Variants in PPP1R14A observed in about 807,000 individuals in gnomAD.
The protein encoded by PPP1R14A is protein phosphatase 1 regulatory subunit 14A.
Under a neutral mutation model 14.1 loss-of-function variants are expected in PPP1R14A, and 9 were observed. The ratio of observed to expected loss-of-function variants is 0.64; its 90% CI spans 0.38 to 1.11. The LOEUF (loss-of-function observed/expected upper bound fraction) is 1.11. Ranked by LOEUF, PPP1R14A falls within the 50% of genes most tolerant of loss-of-function variation. The pLI is 0.01. For missense variants in PPP1R14A, 208 were observed against 200.7 expected, an observed-to-expected ratio of 1.04 and a Z score of -0.22; for synonymous variants, 93 against 88.7, an observed-to-expected ratio of 1.05 and a Z score of -0.27.
intron 3 of PPP1R14A, 41 bp from the exon 4 acceptor site, chr19:38,251,487 G>C (rs751365674): frequency 6.6e-7 from 1 of 1,515,394 alleles, no homozygotes; most frequent in Non-Finnish European, 8.7e-7. Context: ...GGAACAGTGC[G>C]GGGGCACCCT....
At chr19:38,254,775 T>C (rs1600318770) in intron 1 of PPP1R14A, among the ~76,000 whole-genome samples, 1 of 152,204 alleles carries the variant, frequency 6.6e-6, no homozygotes, top group Admixed American at 6.6e-5. Flanking sequence ...CACCTGTTCC[T>C]ATAGCTTACA....
Position 38,256,365 on chromosome 19 carries a change from C to T in PPP1R14A, c.-26G>A. ...CGCGCTGCTGGACCCAGCCTGGCCC[C>T]GCGCTGTGCGCCTTCGCCTCGCGCC... On this transcript the variant is annotated 5_prime_UTR_variant, in exon 1 of 4. Transcript: ENST00000301242. The surrounding 1 kb of genome is among the most constrained non-coding windows in gnomAD (Gnocchi z 5.7). 7.2e-7 allele frequency: 1 copy of T among 1,396,500 alleles called. No homozygotes were observed. Among genetic ancestry groups the T allele is most frequent in the South Asian group, 1.6e-5 (1 of 62,492 alleles). 86.5% of individuals were successfully genotyped at this position (1,396,500 alleles called of 1,614,324 possible).
At chr19:38,253,526 AGGTG>A (rs1018306672) in intron 1 of PPP1R14A, among the ~76,000 whole-genome samples, 63 of 152,180 alleles carry the variant, frequency 4.1e-4, no homozygotes, top group African/African-American at 1.5e-3. Context: ...AGGCCCCTCA[AGGTG>A]GGTGGGTGGG....
chr19:38,252,477 C>G lies in PPP1R14A; in HGVS notation c.283-139G>C. 1 of 857,266 alleles carries G rather than the reference C, an allele frequency of 1.2e-6. No individual in the cohort carries two copies. The highest frequency in any genetic ancestry group is 1.9e-6 in the Non-Finnish European group (1 of 534,654). The allele number at this position is 857,266 out of a possible 1,614,324, so 53.1% of individuals were successfully genotyped here. On this transcript the variant is annotated intron_variant, in intron 2 of 3. Transcript: ENST00000301242. This position sits in a 1 kb window ranked among gnomAD's most constrained non-coding sequence, Gnocchi z 4.1. ...CCAGGGTGGACTGCCCACCAAGCTT[C>G]AAGAGAGGAACAGAGCCCAAGGGGC... is the stretch of plus-strand genomic sequence containing the variant.
rs1465028055 is a variant in PPP1R14A at position 38,254,976 on chromosome 19, A to G, written c.201+1163T>C. Among the ~76,000 whole-genome samples, 4 of 150,894 alleles carry G rather than the reference A, an allele frequency of 2.7e-5. No individual in the cohort carries two copies. In the East Asian group the frequency reaches 7.9e-4, roughly 30 times the overall value. ...TTTTGTATTTTTTAGTAGAGACGGG[A>G]TTTCTCCATGTTGATCAGGCTGGTC... On this transcript the variant is annotated intron_variant, in intron 1 of 3. Transcript: ENST00000301242.
Position 38,252,394 on chromosome 19 carries a change from C to T in PPP1R14A, c.283-56G>A. ...CAGTAAATGACTAACACCTACTCCCCTCCAGCCCCTTCCCTTTCCCAAAAG... is the reference window on the plus strand; with the variant it reads ...CAGTAAATGACTAACACCTACTCCCTTCCAGCCCCTTCCCTTTCCCAAAAG... On this transcript the variant is annotated intron_variant, in intron 2 of 3. Coordinates refer to ENST00000301242, the MANE Select transcript of PPP1R14A (RefSeq NM_033256.3). This position sits in a 1 kb window ranked among gnomAD's most constrained non-coding sequence, Gnocchi z 4.1. 1.9e-6 allele frequency: 3 copies of T among 1,558,752 alleles called. No individual in the cohort carries two copies. Among genetic ancestry groups the T allele is most frequent in the Admixed American group, 3.5e-5 (2 of 57,550 alleles).
intron 1 of PPP1R14A, among the ~76,000 whole-genome samples, chr19:38,255,483 T>C (rs1365635003): frequency 6.6e-6 from 1 of 152,236 alleles, no homozygotes; most frequent in Non-Finnish European, 1.5e-5. Flanking sequence ...GGTCAGTTTT[T>C]TCTTTAGGAG....
chr19:38,253,469 C>T (rs1968213455), intron 1 of PPP1R14A, among the ~76,000 whole-genome samples: 1 of 151,666 alleles, frequency 6.6e-6, no homozygotes, highest in African/African-American at 2.4e-5. Context: ...GGGCCAGCCC[C>T]CAGAGGGCCA....
At position 38,252,191 on chromosome 19, in the gene PPP1R14A, G is replaced by A. The variant is rs1028478876; in HGVS notation, c.315+115C>T. The A allele has an allele frequency of 2.5e-5, 25 of 980,762 alleles. No homozygotes were observed. Among genetic ancestry groups the A allele is most frequent in the Middle Eastern group, 3.0e-4 (1 of 3,288 alleles). 60.8% of individuals were successfully genotyped at this position (980,762 alleles called of 1,614,324 possible). ...GAGCTGCGGAGGGCAGGTTGGGGCC[G>A]GGGGTGGTGGGGCCGGGTGGTGTTC... is the stretch of plus-strand genomic sequence containing the variant. On this transcript the variant is annotated intron_variant, in intron 3 of 3. Transcript: ENST00000301242. This position sits in a 1 kb window ranked among gnomAD's most constrained non-coding sequence, Gnocchi z 4.1.
Position 38,256,115 on chromosome 19 carries a change from C to A in PPP1R14A, c.201+24G>T, listed in dbSNP as rs754146001. 9.8e-6 allele frequency: 15 copies of A among 1,530,506 alleles called. No individual in the cohort carries two copies. The Admixed American group carries it at 1.6e-4, about 16-fold the overall frequency. The allele number at this position is 1,530,506 out of a possible 1,614,324, so 94.8% of individuals were successfully genotyped here. On this transcript the variant is annotated intron_variant, in intron 1 of 3. Transcript: ENST00000301242. This position sits in a 1 kb window ranked among gnomAD's most constrained non-coding sequence, Gnocchi z 5.7. ...CCCGGGCTCTATCTGTCCCCGACCA[C>A]CCCCGAGCCCTCCCCGGGCTCACCA...
Position 38,256,096 on chromosome 19 carries a change from C to A in PPP1R14A, c.201+43G>T. ...AGGGCGTGGGGTCTCCGCGCCCGGG[C>A]TCTATCTGTCCCCGACCACCCCCGA... On this transcript the variant is annotated intron_variant, in intron 1 of 3. Coordinates refer to ENST00000301242, the MANE Select transcript of PPP1R14A (RefSeq NM_033256.3). The surrounding 1 kb of genome is among the most constrained non-coding windows in gnomAD (Gnocchi z 5.7). 6.7e-7 allele frequency: 1 copy of A among 1,501,096 alleles called. No homozygotes were observed. The highest frequency in any genetic ancestry group is 8.9e-7 in the Non-Finnish European group (1 of 1,125,208). The allele number at this position is 1,501,096 out of a possible 1,614,324, so 93.0% of individuals were successfully genotyped here. A position where few individuals can be genotyped will look rare whatever the true frequency, so the allele number is the denominator to read the frequency against.
intron 1 of PPP1R14A, among the ~76,000 whole-genome samples, chr19:38,254,944 C>T (rs1409332830): frequency 6.6e-6 from 1 of 152,078 alleles, no homozygotes. Context: ...CCACCACACC[C>T]GGCTAATTTT....
chr19:38,254,193 C>T lies in PPP1R14A; in HGVS notation c.202-1219G>A, dbSNP rs966037729. 5.8e-4 allele frequency among the ~76,000 whole-genome samples: 88 copies of T among 152,166 alleles called. 1 individual carries two copies. The highest frequency in any genetic ancestry group is 4.4e-4 in the Non-Finnish European group (30 of 68,038). On this transcript the variant is annotated intron_variant, in intron 1 of 3. Transcript: ENST00000301242. ...CATACAGAAGTCACAGAAGGCCAGG[C>T]GCAGTGGCTCACGCCTGTAATCCTG... is the stretch of plus-strand genomic sequence containing the variant.
At chr19:38,255,022 G>C (rs1050705358) in intron 1 of PPP1R14A, among the ~76,000 whole-genome samples, 6 of 152,128 alleles carry the variant, frequency 3.9e-5, no homozygotes, top group Non-Finnish European at 5.9e-5. Flanking sequence ...GACCTCAGGT[G>C]ATCCGCCCGC....
chr19:38,251,242 G>T lies in PPP1R14A; in HGVS notation c.*76C>A. 7.7e-7 allele frequency: 1 copy of T among 1,304,622 alleles called. No homozygotes were observed. Among genetic ancestry groups the T allele is most frequent in the Admixed American group, 4.1e-5 (1 of 24,294 alleles). 80.8% of individuals were successfully genotyped at this position (1,304,622 alleles called of 1,614,324 possible). A position where few individuals can be genotyped will look rare whatever the true frequency, so the allele number is the denominator to read the frequency against. ...GGAAAAACAGCCACACAGTGTTATTGTTACAGAACCATTAAATACAACTTA... is the reference window on the plus strand; with the variant it reads ...GGAAAAACAGCCACACAGTGTTATTTTTACAGAACCATTAAATACAACTTA... On this transcript the variant is annotated 3_prime_UTR_variant, in exon 4 of 4. Coordinates refer to ENST00000301242, the MANE Select transcript of PPP1R14A (RefSeq NM_033256.3).
At chr19:38,253,038 G>T in intron 1 of PPP1R14A, 64 bp from the exon 2 acceptor site, 1 of 1,358,350 alleles carries the variant, frequency 7.4e-7, no homozygotes, top group Non-Finnish European at 1.0e-6. Flanking sequence ...TTTGTCCAGG[G>T]CTCTGCAGGA....
Position 38,256,068 on chromosome 19 carries a change from C to T in PPP1R14A, c.201+71G>A, listed in dbSNP as rs773813965. ...GCACCAGCGAGTGTGCACCGAGACC[C>T]CAAGGGCGTGGGGTCTCCGCGCCCG... is the stretch of plus-strand genomic sequence containing the variant. On this transcript the variant is annotated intron_variant, in intron 1 of 3. Coordinates refer to ENST00000301242, the MANE Select transcript of PPP1R14A (RefSeq NM_033256.3). This position sits in a 1 kb window ranked among gnomAD's most constrained non-coding sequence, Gnocchi z 5.7. 1.6e-4 allele frequency: 221 copies of T among 1,390,660 alleles called. No homozygotes were observed. The highest frequency in any genetic ancestry group is 8.9e-5 in the Admixed American group (4 of 44,802). The allele number at this position is 1,390,660 out of a possible 1,614,324, so 86.1% of individuals were successfully genotyped here. A position where few individuals can be genotyped will look rare whatever the true frequency, so the allele number is the denominator to read the frequency against.
Position 38,251,399 on chromosome 19 carries a change from C to A in PPP1R14A, c.363G>T (p.Gln121His), listed in dbSNP as rs779872063. 2.6e-6 allele frequency: 4 copies of A among 1,561,496 alleles called. No individual in the cohort carries two copies. The South Asian group carries it at 3.6e-5, about 14-fold the overall frequency. ...AGGGGCTTGGCTGGCGGAGGCCGGGCTGCCTGTGGAGGCCTTGAAGCTTTG... is the reference window on the plus strand; with the variant it reads ...AGGGGCTTGGCTGGCGGAGGCCGGGATGCCTGTGGAGGCCTTGAAGCTTTG... Reference protein sequence around the residue: ...LLAKLQGLHRQPGLRQPSPSH... With the variant: ...LLAKLQGLHRHPGLRQPSPSH... The change falls in exon 4 of 4, where the codon CAG (glutamine) becomes CAT (histidine). Residue 121 changes from glutamine (Q) to histidine (H), a missense_variant. Gln to His is a conservative substitution (Grantham distance 24). Coordinates refer to ENST00000301242, the MANE Select transcript of PPP1R14A (RefSeq NM_033256.3).
intron 1 of PPP1R14A, among the ~76,000 whole-genome samples, chr19:38,255,150 G>A (rs1248935514): frequency 6.6e-6 from 1 of 151,620 alleles, no homozygotes; most frequent in Non-Finnish European, 1.5e-5. Context: ...TTGAGACACG[G>A]TCTCGCTCTG....
Sources: allele counts gnomAD v4.1 joint callset (sites outside exome capture counted in the v4.1 genomes callset), GRCh38; gene constraint gnomAD v4.1.1; non-coding constraint Gnocchi (gnomAD v3.1); transcripts MANE v1.5; gene names NCBI Gene and HGNC (gene_info 2026-07-23, HGNC 2026-07-21).